The following HSP90AB1 variants were observed in gnomAD, a reference collection of about 807,000 sequenced individuals.
HSP90AB1 encodes heat shock protein HSP 90-beta.
In HSP90AB1, 17 loss-of-function variants were observed where a neutral mutation model predicts 67.8. The observed-to-expected ratio is 0.25, with a 90% CI of 0.17 to 0.38. The LOEUF is 0.38. Among genes scored for constraint, HSP90AB1 ranks in the 10% least tolerant of loss-of-function variants. The probability of loss-of-function intolerance (pLI) is 1.00; values close to 1 mark genes in which losing one functional copy is unlikely to be tolerated. For missense variants in HSP90AB1, 690 were observed against 899.9 expected, an observed-to-expected ratio of 0.77 and a Z score of 2.98; for synonymous variants, 390 against 312.9, an observed-to-expected ratio of 1.25 and a Z score of -2.60.
chr6:44,249,959 A>T, intron 4 of HSP90AB1, 62 bp from the exon 5 acceptor site: 1 of 1,600,828 alleles, frequency 6.2e-7, no homozygotes, highest in Admixed American at 1.7e-5. Flanking sequence ...ATACTTACTA[A>T]TTGCTGGTCT....
At position 44,250,347 on chromosome 6, in the gene HSP90AB1, TGAGAAAGAA is replaced by T; in HGVS notation, c.709_717del (p.Lys237_Glu239del). 3 of 1,613,348 alleles carry T rather than the reference TGAGAAAGAA, an allele frequency of 1.9e-6. No homozygotes were observed. Among genetic ancestry groups the T allele is most frequent in the Admixed American group, 3.3e-5 (2 of 59,946 alleles). On this transcript the variant is annotated inframe_deletion, in exon 6 of 12. Coordinates refer to ENST00000371646, the MANE Select transcript of HSP90AB1 (RefSeq NM_007355.4). The stretch of plus-strand genomic sequence containing the variant: ...ATGATGAGGCAGAGGAAGAGAAAGG[TGAGAAAGAA>T]GAGGAAGATAAAGATGATGAAGAAA...
chr6:44,252,399 T>G, intron 10 of HSP90AB1, 132 bp downstream of exon 10: 1 of 796,792 alleles, frequency 1.3e-6, no homozygotes, highest in Middle Eastern at 2.3e-4. Flanking sequence ...TCTTGTTCTC[T>G]TCTCTAGTCA....
At position 44,253,714 on chromosome 6, in the gene HSP90AB1, T is replaced by C. The variant is rs1446186763; in HGVS notation, c.*116T>C. 5 of 819,930 alleles carry C rather than the reference T, an allele frequency of 6.1e-6. No homozygotes were observed. Among genetic ancestry groups the C allele is most frequent in the Non-Finnish European group, 8.8e-6 (4 of 454,650 alleles). The allele number at this position is 819,930 out of a possible 1,614,324, so 50.8% of individuals were successfully genotyped here. A position where few individuals can be genotyped will look rare whatever the true frequency, so the allele number is the denominator to read the frequency against. On this transcript the variant is annotated 3_prime_UTR_variant, in exon 12 of 12. Transcript: ENST00000371646. ...TCCCCCTGCTGGTGTCTAGTGTTTT[T>C]TTCCCTCTCCTGTCCTTGTGTTGAA... is the stretch of plus-strand genomic sequence containing the variant.
chr6:44,253,155 C>G lies in HSP90AB1; in HGVS notation c.1842C>G (p.Asn614Lys). Residue 614 changes from asparagine (N) to lysine (K), a missense_variant, in exon 11 of 12, where the codon AAC becomes AAG. Asn to Lys is a moderately conservative substitution (Grantham distance 94, BLOSUM62 0). Transcript: ENST00000371646. The part of the protein sequence containing the change: ...RIMKAQALRD[N>K]STMGYMMAKK... ...TGAAAGCCCAGGCACTTCGGGACAA[C>G]TCCACCATGGGCTATATGATGGCCA... The G allele has an allele frequency of 6.2e-7, 1 of 1,614,242 alleles. No homozygotes were observed.
Position 44,249,776 on chromosome 6 carries a change from T to C in HSP90AB1, c.456T>C (p.Asp152=), listed in dbSNP as rs755971334. The change falls in exon 4 of 12, where the codon GAT becomes GAC. Residue 152 remains aspartate (D), a synonymous_variant. Transcript: ENST00000371646. ...TTGTGATCACAAAGCACAACGATGATGAACAGTATGCTTGGGAGTCTTCTG... is the reference window on the plus strand; with the variant it reads ...TTGTGATCACAAAGCACAACGATGACGAACAGTATGCTTGGGAGTCTTCTG... ...KVVVITKHND[D]EQYAWESSAG... The C allele has an allele frequency of 3.1e-6, 5 of 1,613,928 alleles. No individual in the cohort carries two copies. In the African/African-American group the frequency reaches 5.3e-5, roughly 17 times the overall value.
rs765725409 is a variant in HSP90AB1, at chr6:44,251,818, A to G, written c.1396A>G (p.Met466Val). The G allele has an allele frequency of 3.7e-6, 6 of 1,612,978 alleles. No individual in the cohort carries two copies. The highest frequency in any genetic ancestry group is 1.7e-5 in the Admixed American group (1 of 60,006). ...RYHTSQSGDE[M>V]TSLSEYVSRM... is the part of the protein sequence containing the mutation. ...TCATACCTCCCAGTCTGGAGATGAG[A>G]TGACATCTCTGTCAGAGTATGTTTC... is the stretch of plus-strand genomic sequence containing the variant. Residue 466 changes from methionine to valine, a missense_variant, in exon 9 of 12, where the codon ATG becomes GTG. By Grantham distance (21) the Met-to-Val change is conservative. Coordinates refer to ENST00000371646, the MANE Select transcript of HSP90AB1 (RefSeq NM_007355.4).
At position 44,251,203 on chromosome 6, in the gene HSP90AB1, A is replaced by G. The variant is rs138553737; in HGVS notation, c.1113A>G (p.Pro371=). ...FIMDSCDELI[P]EYLNFIRGVV... ...TGGACAGCTGTGATGAGTTGATACCAGAGTATCTCAGTGAGTATCTCCTTG... is the reference window on the plus strand; with the variant it reads ...TGGACAGCTGTGATGAGTTGATACCGGAGTATCTCAGTGAGTATCTCCTTG... Residue 371 remains proline, a synonymous_variant, in exon 7 of 12, where the codon CCA becomes CCG. Transcript: ENST00000371646. 1.9e-5 allele frequency: 30 copies of G among 1,614,004 alleles called. No homozygotes were observed. The highest frequency in any genetic ancestry group is 2.5e-5 in the Non-Finnish European group (30 of 1,179,954).
At chr6:44,248,602 T>G in intron 1 of HSP90AB1, 28 bp from the exon 2 acceptor site, 1 of 1,597,882 alleles carries the variant, frequency 6.3e-7, no homozygotes, top group Non-Finnish European at 8.5e-7. Context: ...TTAGTGTTCT[T>G]TTGTAATTAA....
Position 44,250,041 on chromosome 6 carries a change from A to G in HSP90AB1, c.535A>G (p.Thr179Ala). The G allele has an allele frequency of 6.2e-7, 1 of 1,614,188 alleles. No individual in the cohort carries two copies. The highest frequency in any genetic ancestry group is 8.5e-7 in the Non-Finnish European group (1 of 1,179,994). ...ADHGEPIGRG[T>A]KVILHLKEDQ... ...TCTAGGTGAGCCCATTGGCAGGGGT[A>G]CCAAAGTGATCCTCCATCTTAAAGA... is the stretch of plus-strand genomic sequence containing the variant. The change falls in exon 5 of 12, where the codon ACC becomes GCC. Residue 179 changes from threonine (T) to alanine (A), a missense_variant. This residue lies in a region of HSP90AB1 where 146 missense variants were observed against 143.7 expected (regional missense o/e 1.02). Transcript: ENST00000371646.
chr6:44,253,228 C>T lies in HSP90AB1; in HGVS notation c.1915C>T (p.Arg639Trp), dbSNP rs534934701. The T allele has an allele frequency of 3.0e-5, 49 of 1,614,086 alleles. No homozygotes were observed. The highest frequency in any genetic ancestry group is 1.8e-4 in the Admixed American group (11 of 60,002). ...TGACCACCCCATTGTGGAGACGCTG[C>T]GGCAGAAGGCTGAGGCCGACAAGAA... ...NPDHPIVETL[R>W]QKAEADKNDK... The change falls in exon 11 of 12, where the codon CGG becomes TGG. Residue 639 changes from arginine (R) to tryptophan (W), a missense_variant. By Grantham distance (101) the Arg-to-Trp change is moderately radical. This residue lies in a region of HSP90AB1 where 120 missense variants were observed against 153.5 expected (regional missense o/e 0.78). Coordinates refer to ENST00000371646, the MANE Select transcript of HSP90AB1 (RefSeq NM_007355.4).
At chr6:44,250,195 G>C in intron 5 of HSP90AB1, 41 bp downstream of exon 5, 1 of 1,613,522 alleles carries the variant, frequency 6.2e-7, no homozygotes, top group Non-Finnish European at 8.5e-7. Flanking sequence ...TAACGTGCAG[G>C]ATGTTTCCTG....
rs1324459405 is a variant in HSP90AB1 at position 44,253,707 on chromosome 6, G to C, written c.*109G>C. 1 of 846,506 alleles carries C rather than the reference G, an allele frequency of 1.2e-6. No individual in the cohort carries two copies. The highest frequency in any genetic ancestry group is 1.3e-5 in the South Asian group (1 of 75,316). The allele number at this position is 846,506 out of a possible 1,614,324, so 52.4% of individuals were successfully genotyped here. A position where few individuals can be genotyped will look rare whatever the true frequency, so the allele number is the denominator to read the frequency against. ...ACCTGGCTCCCCCTGCTGGTGTCTA[G>C]TGTTTTTTTCCCTCTCCTGTCCTTG... On this transcript the variant is annotated 3_prime_UTR_variant, in exon 12 of 12. Transcript: ENST00000371646.
chr6:44,252,387 C>T (rs767159271), intron 10 of HSP90AB1, 120 bp downstream of exon 10: 10 of 882,692 alleles, frequency 1.1e-5, no homozygotes, highest in Non-Finnish European at 1.7e-5. Context: ...TGCCTTCTTG[C>T]CTCTTGTTCT....
Position 44,249,454 on chromosome 6 carries a change from C to G in HSP90AB1, c.225C>G (p.Ile75Met). ...LDSGKELKID[I>M]IPNPQERTLT... is the part of the protein sequence containing the mutation. ...GTGGTAAAGAGCTGAAAATTGACAT[C>G]ATCCCCAACCCTCAGGAACGTACCC... The change falls in exon 3 of 12, where the codon ATC (isoleucine) becomes ATG (methionine). Residue 75 changes from isoleucine to methionine, a missense_variant. Ile to Met is a conservative substitution (Grantham distance 10). Coordinates refer to ENST00000371646, the MANE Select transcript of HSP90AB1 (RefSeq NM_007355.4). 1.2e-6 allele frequency: 2 copies of G among 1,613,992 alleles called. No individual in the cohort carries two copies. The highest frequency in any genetic ancestry group is 2.2e-5 in the East Asian group (1 of 44,880).
At chr6:44,246,221 G>T (rs1779892285), upstream of HSP90AB1, 1 of 152,524 alleles carries the variant, frequency 6.6e-6, no homozygotes, top group Middle Eastern at 3.4e-3. Context: ...GTGTACGCCC[G>T]CAGAGCCGCC....
At chr6:44,252,778 C>T (rs916007467) in intron 10 of HSP90AB1, among the ~76,000 whole-genome samples, 4 of 151,658 alleles carry the variant, frequency 2.6e-5, no homozygotes, top group Admixed American at 6.6e-5. Context: ...TTAACAGGCG[C>T]AAGCCACCAT....
chr6:44,251,814 T>C lies in HSP90AB1; in HGVS notation c.1392T>C (p.Asp464=). The change falls in exon 9 of 12, where the codon GAT becomes GAC. Residue 464 remains aspartate (D), a synonymous_variant. Coordinates refer to ENST00000371646, the MANE Select transcript of HSP90AB1 (RefSeq NM_007355.4). ...LLRYHTSQSG[D]EMTSLSEYVS... ...GCTATCATACCTCCCAGTCTGGAGA[T>C]GAGATGACATCTCTGTCAGAGTATG... The C allele has an allele frequency of 1.2e-6, 2 of 1,613,140 alleles. No individual in the cohort carries two copies. The highest frequency in any genetic ancestry group is 1.1e-5 in the South Asian group (1 of 91,032).
intron 1 of HSP90AB1, chr6:44,247,758 G>A (rs1780106017): frequency 6.6e-6 from 1 of 152,268 alleles, no homozygotes; most frequent in East Asian, 1.9e-4. Context: ...CGGTGGAGGA[G>A]GGGCGGGGAG....
chr6:44,250,950 A>G, intron 6 of HSP90AB1, 98 bp from the exon 7 acceptor site: 1 of 1,068,568 alleles, frequency 9.4e-7, no homozygotes, highest in Non-Finnish European at 1.4e-6. Context: ...TCTATCCCTT[A>G]GGCTTAGGGA....
Sources: gnomAD v4.1 joint callset for allele counts (sites outside exome capture counted in the v4.1 genomes callset) on GRCh38, gnomAD v4.1.1 for gene constraint, gnomAD v4.1.1 regional missense constraint, MANE v1.5 for transcripts, NCBI Gene and HGNC (gene_info 2026-07-23, HGNC 2026-07-21) for gene names.